ROR1: variants seen among roughly 807,000 people sequenced by gnomAD.
ROR1 encodes the protein inactive tyrosine-protein kinase transmembrane receptor ROR1.
Under a neutral mutation model 78.8 loss-of-function variants are expected in ROR1, and 19 were observed. The observed-to-expected ratio is 0.24, with a 90% CI of 0.17 to 0.35. ROR1 has a LOEUF of 0.35. Ranked by LOEUF, ROR1 falls within the 10% of genes least tolerant of loss-of-function variation. ROR1 has a pLI of 1.00. For synonymous variants in ROR1, 386 were observed against 433.6 expected (o/e 0.89, Z 1.36); for missense variants, 917 against 1,177.8 (o/e 0.78, Z 3.24).
intron 1 of ROR1, among the ~76,000 whole-genome samples, chr1:63,901,862 G>A (rs1645487633): frequency 6.6e-6 from 1 of 152,058 alleles, no homozygotes; most frequent in African/African-American, 2.4e-5. Flanking sequence ...AAGCTAGCAA[G>A]CTAGTGAGAA....
chr1:64,028,012 G>C (rs185486073), intron 2 of ROR1, among the ~76,000 whole-genome samples: 6 of 152,214 alleles, frequency 3.9e-5, no homozygotes, highest in Admixed American at 3.3e-4. Context: ...CTAAGATGTT[G>C]ATATGGCTGT....
intron 2 of ROR1, among the ~76,000 whole-genome samples, chr1:64,025,745 A>C (rs970006784): frequency 1.3e-5 from 2 of 152,322 alleles, no homozygotes; most frequent in Non-Finnish European, 2.9e-5. Flanking sequence ...ACTGTTATTC[A>C]AAGTGAAGTA....
intron 4 of ROR1, among the ~76,000 whole-genome samples, chr1:64,117,152 T>C (rs1487826319): frequency 1.3e-5 from 2 of 152,070 alleles, no homozygotes; most frequent in Non-Finnish European, 2.9e-5. Flanking sequence ...TGTGGGAGAA[T>C]GGGAGTTCAA....
chr1:64,065,207 GACTATTACTTCCCCATTT>G (rs1371663843), intron 4 of ROR1, among the ~76,000 whole-genome samples: 14 of 152,242 alleles, frequency 9.2e-5, no homozygotes, highest in East Asian at 7.7e-4. Flanking sequence ...AAAACTAATA[GACTATTACTTCCCCATTT>G]ACTCACACAA....
chr1:63,939,628 T>C (rs1412473490), intron 1 of ROR1, among the ~76,000 whole-genome samples: 2 of 152,226 alleles, frequency 1.3e-5, no homozygotes, highest in Non-Finnish European at 2.9e-5. Flanking sequence ...ATTCTGATTT[T>C]ACAGTTCGCC....
intron 1 of ROR1, among the ~76,000 whole-genome samples, chr1:63,815,623 A>G (rs536590480): frequency 6.6e-6 from 1 of 152,096 alleles, no homozygotes; most frequent in Admixed American, 6.5e-5. Context: ...TTAACCTTTC[A>G]AAACAACTCC....
intron 1 of ROR1, among the ~76,000 whole-genome samples, chr1:63,839,383 T>A (rs1385947690): frequency 6.6e-6 from 1 of 151,858 alleles, no homozygotes; most frequent in Non-Finnish European, 1.5e-5. Flanking sequence ...TATCTATCTA[T>A]CTATCTATCT....
In ROR1 at chr1:64,177,885, A is replaced by G; in HGVS notation, c.1844A>G (p.Asp615Gly). 1 of 1,614,160 alleles carries G rather than the reference A, an allele frequency of 6.2e-7. No homozygotes were observed. Among genetic ancestry groups the G allele is most frequent in the Non-Finnish European group, 8.5e-7 (1 of 1,180,028 alleles). ...TCTAGTCACTTCTTTGTCCACAAGGACCTTGCAGCTCGCAATATTTTAATC... is the reference window on the plus strand; with the variant it reads ...TCTAGTCACTTCTTTGTCCACAAGGGCCTTGCAGCTCGCAATATTTTAATC... ...YLSSHFFVHK[D>G]LAARNILIGE... is the part of the protein sequence containing the mutation. Residue 615 changes from aspartate (D) to glycine (G), a missense_variant, in exon 9 of 9, where the codon GAC (aspartate) becomes GGC (glycine). Physicochemically the swap from Asp to Gly is moderately conservative, Grantham distance 94 (BLOSUM62 -1). Transcript: ENST00000371079.
intron 8 of ROR1, among the ~76,000 whole-genome samples, chr1:64,160,000 G>A (rs1260391233): frequency 6.6e-6 from 1 of 151,902 alleles, no homozygotes; most frequent in Admixed American, 6.6e-5. Context: ...CACAATCCCA[G>A]GCCTCTCAGC....
chr1:64,000,064 A>G, intron 1 of ROR1, among the ~76,000 whole-genome samples: 1 of 152,206 alleles, frequency 6.6e-6, no homozygotes, highest in East Asian at 1.9e-4. Context: ...ATGAAAATGT[A>G]CGTGGGCCAT....
intron 1 of ROR1, chr1:63,788,949 A>G: frequency 1.4e-6 from 1 of 721,440 alleles, no homozygotes; most frequent in Non-Finnish European, 2.5e-6. Flanking sequence ...GCTGTGATAC[A>G]TGAGGTGATC....
rs1171015553 is a variant in ROR1 at position 64,180,396 on chromosome 1, T to C, written c.*1541T>C. 6.6e-6 allele frequency: 1 copy of C among 152,182 alleles called. No individual in the cohort carries two copies. Among genetic ancestry groups the C allele is most frequent in the East Asian group, 1.9e-4 (1 of 5,196 alleles). The allele number at this position is 152,182 out of a possible 1,614,324, so 9.4% of individuals were successfully genotyped here. A position where few individuals can be genotyped will look rare whatever the true frequency, so the allele number is the denominator to read the frequency against. On this transcript the variant is annotated 3_prime_UTR_variant, in exon 9 of 9. Transcript: ENST00000371079. ...TGGAAATGATATTTGATGAGGAGAA[T>C]GTAAGAGAATGAAAAACACATTGAT...
At chr1:63,965,630 C>T (rs959656163) in intron 1 of ROR1, among the ~76,000 whole-genome samples, 1 of 152,076 alleles carries the variant, frequency 6.6e-6, no homozygotes, top group African/African-American at 2.4e-5. Context: ...TTGTTGCCTC[C>T]GAGAATTGAA....
intron 4 of ROR1, among the ~76,000 whole-genome samples, chr1:64,079,179 C>A (rs1232848449): frequency 6.6e-6 from 1 of 152,050 alleles, no homozygotes; most frequent in Non-Finnish European, 1.5e-5. Flanking sequence ...GATTCTCTAC[C>A]CCCAAACATT....
At chr1:64,103,981 G>A (rs974717570) in intron 4 of ROR1, among the ~76,000 whole-genome samples, 7 of 152,086 alleles carry the variant, frequency 4.6e-5, no homozygotes, top group African/African-American at 1.7e-4. Context: ...TGAGCATCTA[G>A]TAGGTTAAGG....
chr1:64,177,580 C>G lies in ROR1; in HGVS notation c.1539C>G (p.Asn513Lys), dbSNP rs767626099. 1.2e-6 allele frequency: 2 copies of G among 1,614,160 alleles called. No individual in the cohort carries two copies. The highest frequency in any genetic ancestry group is 1.7e-6 in the Non-Finnish European group (2 of 1,180,034). Residue 513 changes from asparagine (N) to lysine (K), a missense_variant, in exon 9 of 9, where the codon AAC becomes AAG. By Grantham distance (94) the Asn-to-Lys change is moderately conservative. Coordinates refer to ENST00000371079, the MANE Select transcript of ROR1 (RefSeq NM_005012.4). Reference protein sequence around the residue: ...VAIKTLKDYNNPQQWTEFQQE... With the variant: ...VAIKTLKDYNKPQQWTEFQQE... Reference sequence around the variant, plus strand: ...TCAAGACCTTGAAAGACTATAACAACCCCCAGCAATGGACGGAATTTCAAC... The same window carrying G: ...TCAAGACCTTGAAAGACTATAACAAGCCCCAGCAATGGACGGAATTTCAAC...
At chr1:63,880,973 A>AT (rs1645318340) in intron 1 of ROR1, among the ~76,000 whole-genome samples, 1 of 152,134 alleles carries the variant, frequency 6.6e-6, no homozygotes, top group Non-Finnish European at 1.5e-5. Flanking sequence ...TATCCTCCTA[A>AT]TTTACAAGTT....
intron 1 of ROR1, among the ~76,000 whole-genome samples, chr1:63,936,435 T>C (rs1483896021): frequency 6.6e-6 from 1 of 152,160 alleles, no homozygotes; most frequent in East Asian, 1.9e-4. Context: ...ATAATGACTG[T>C]TTTCTAAAAC....
intron 1 of ROR1, among the ~76,000 whole-genome samples, chr1:63,885,406 G>A (rs923231273): frequency 9.9e-5 from 15 of 152,096 alleles, no homozygotes; most frequent in African/African-American, 2.9e-4. Flanking sequence ...ATCTAAGTTG[G>A]GGCCACAGAG....
Sources: gnomAD v4.1 joint callset for allele counts (sites outside exome capture counted in the v4.1 genomes callset) on GRCh38, gnomAD v4.1.1 for gene constraint, MANE v1.5 for transcripts, NCBI Gene and HGNC (gene_info 2026-07-23, HGNC 2026-07-21) for gene names.